The following SCN9A variants were observed in gnomAD, a reference collection of about 807,000 sequenced individuals.
SCN9A encodes sodium channel protein type 9 subunit alpha.
Under a neutral mutation model 187.0 loss-of-function variants are expected in SCN9A, and 131 were observed. The observed-to-expected ratio is 0.70, with a 90% CI of 0.61 to 0.81. SCN9A has a LOEUF of 0.81. Among genes scored for constraint, SCN9A ranks in the 30% least tolerant of loss-of-function variants. The probability of loss-of-function intolerance (pLI) is 0.00; values close to 1 mark genes in which losing one functional copy is unlikely to be tolerated. For synonymous variants in SCN9A, 809 were observed against 808.6 expected, an observed-to-expected ratio of 1.00 and a Z score of -0.01; for missense variants, 2,252 against 2,396.6, an observed-to-expected ratio of 0.94 and a Z score of 1.26.
chr2:166,290,531 C>T (rs139174979), intron 9 of SCN9A, among the ~76,000 whole-genome samples: 2,323 of 152,256 alleles, frequency 0.015, 115 homozygotes, highest in Admixed American at 0.097. Context: ...ACACTCCCAC[C>T]AACAGTGTAA....
At chr2:166,300,215 A>AT (rs971470606) in intron 7 of SCN9A, among the ~76,000 whole-genome samples, 4 of 150,668 alleles carry the variant, frequency 2.7e-5, no homozygotes, top group African/African-American at 7.5e-5. Flanking sequence ...TATGACCCCT[A>AT]TTTTTTCTGC....
chr2:166,218,037 C>T (rs1042921208), intron 24 of SCN9A, among the ~76,000 whole-genome samples: 3 of 151,608 alleles, frequency 2.0e-5, no homozygotes, highest in Non-Finnish European at 4.4e-5. Flanking sequence ...TGGCCAAAAC[C>T]GCAATTACTT....
At chr2:166,291,514 G>A (rs1478641371) in intron 9 of SCN9A, among the ~76,000 whole-genome samples, 5 of 152,288 alleles carry the variant, frequency 3.3e-5, no homozygotes, top group Middle Eastern at 3.4e-3. Context: ...GTAATTTATA[G>A]ATTCAATGCT....
At chr2:166,313,932 T>C (rs1352408283) in intron 1 of SCN9A, among the ~76,000 whole-genome samples, 2 of 152,158 alleles carry the variant, frequency 1.3e-5, no homozygotes, top group Non-Finnish European at 1.5e-5. Flanking sequence ...AATTTTAACA[T>C]CGTTGTGTGT....
At chr2:166,350,347 G>A (rs1259012431) in intron 1 of SCN9A, among the ~76,000 whole-genome samples, 2 of 152,174 alleles carry the variant, frequency 1.3e-5, no homozygotes, top group East Asian at 1.9e-4. Flanking sequence ...TGTGTGTAAT[G>A]TCCCCACCAC....
chr2:166,300,179 C>T (rs1698492770), intron 7 of SCN9A, among the ~76,000 whole-genome samples: 1 of 150,874 alleles, frequency 6.6e-6, no homozygotes, highest in Non-Finnish European at 1.5e-5. Context: ...CAAACTCCTT[C>T]CCATGGGCTG....
rs992653110 is a variant in SCN9A, at chr2:166,368,650, A to G, written c.-51+7047T>C. 2.7e-5 allele frequency among the ~76,000 whole-genome samples: 4 copies of G among 147,344 alleles called. No individual in the cohort carries two copies. In the South Asian group the frequency reaches 6.5e-4, roughly 24 times the overall value. On this transcript the variant is annotated intron_variant, in intron 1 of 26. Coordinates refer to ENST00000642356, the MANE Select transcript of SCN9A (RefSeq NM_001365536.1). The stretch of plus-strand genomic sequence containing the variant: ...CGGCACACCTTTACCTATGTAAAAA[A>G]CCTGCACATCCTGCAAATGTACCTT...
intron 7 of SCN9A, among the ~76,000 whole-genome samples, chr2:166,297,161 C>T (rs921189811): frequency 1.7e-5 from 2 of 116,352 alleles, no homozygotes; most frequent in Non-Finnish European, 3.2e-5. Flanking sequence ...AGCGACACTG[C>T]ATTCCAGCCT....
chr2:166,354,941 T>C (rs959431613), intron 1 of SCN9A, among the ~76,000 whole-genome samples: 4 of 151,534 alleles, frequency 2.6e-5, no homozygotes, highest in African/African-American at 9.7e-5. Flanking sequence ...TCCAAGAAAA[T>C]TACTGATTTT....
chr2:166,227,919 C>T (rs3793936), intron 22 of SCN9A, among the ~76,000 whole-genome samples, 196 bp from the exon 23 acceptor site: 134,210 of 152,198 alleles, frequency 0.88, 59,241 homozygotes, highest in East Asian at 0.95. Flanking sequence ...ATCTTAGTCC[C>T]AGTTAATTAT....
chr2:166,352,521 T>C (rs1020913904), intron 1 of SCN9A, among the ~76,000 whole-genome samples: 2 of 152,204 alleles, frequency 1.3e-5, no homozygotes, highest in African/African-American at 4.8e-5. Context: ...AGAAATATTA[T>C]TTAGGAAAGC....
At chr2:166,365,422 G>C (rs35962214) in intron 1 of SCN9A, among the ~76,000 whole-genome samples, 25,528 of 151,978 alleles carry the variant, frequency 0.17, 2,342 homozygotes, top group African/African-American at 0.24. Flanking sequence ...AGTTAAAAAA[G>C]AGCACACTCA....
At chr2:166,206,212 T>G (rs1219378007) in intron 24 of SCN9A, among the ~76,000 whole-genome samples, 7 of 152,072 alleles carry the variant, frequency 4.6e-5, no homozygotes, top group Non-Finnish European at 7.4e-5. Flanking sequence ...GACACATGCA[T>G]ATGTATATTT....
chr2:166,248,953 G>A (rs1425670299), intron 18 of SCN9A, among the ~76,000 whole-genome samples: 1 of 151,998 alleles, frequency 6.6e-6, no homozygotes, highest in Non-Finnish European at 1.5e-5. Context: ...ATAGGTGTGA[G>A]CCACTTCACC....
rs567691347 is a variant in SCN9A at position 166,337,838 on chromosome 2, T to C, written c.-50-26032A>G. On this transcript the variant is annotated intron_variant, in intron 1 of 26. Coordinates refer to ENST00000642356, the MANE Select transcript of SCN9A (RefSeq NM_001365536.1). ...ATGAGTATGAAAAGGATTTTGAATA[T>C]TTAAATGAGTTAATGCATATAAACA... Among the ~76,000 whole-genome samples the C allele has an allele frequency of 4.6e-5, 7 of 152,254 alleles. No individual in the cohort carries two copies. The South Asian group carries it at 1.5e-3, about 32-fold the overall frequency.
chr2:166,224,961 C>T (rs939543923), intron 24 of SCN9A, among the ~76,000 whole-genome samples: 2 of 152,094 alleles, frequency 1.3e-5, no homozygotes, highest in African/African-American at 4.8e-5. Flanking sequence ...GTATTTTACA[C>T]AGGATCTGAC....
intron 1 of SCN9A, among the ~76,000 whole-genome samples, chr2:166,368,580 C>A (rs1700473570): frequency 6.6e-6 from 1 of 151,560 alleles, no homozygotes. Flanking sequence ...TTGCAGCGAG[C>A]CAACATCGTA....
At chr2:166,215,112 T>A (rs568811681) in intron 24 of SCN9A, among the ~76,000 whole-genome samples, 1 of 152,216 alleles carries the variant, frequency 6.6e-6, no homozygotes, top group Non-Finnish European at 1.5e-5. Context: ...TTTCTGTTCA[T>A]GATGACATGA....
At chr2:166,305,968 C>G (rs1353800545) in intron 4 of SCN9A, 48 bp from the exon 5 acceptor site, 2 of 1,599,764 alleles carry the variant, frequency 1.3e-6, no homozygotes, top group East Asian at 4.5e-5. Context: ...AGAATACAAC[C>G]ACCATGTAAA....
Sources: allele counts gnomAD v4.1 joint callset (sites outside exome capture counted in the v4.1 genomes callset), GRCh38; gene constraint gnomAD v4.1.1; transcripts MANE v1.5; gene names NCBI Gene and HGNC (gene_info 2026-07-23, HGNC 2026-07-21).